PLCB4: variants seen among roughly 807,000 people sequenced by gnomAD.
The protein encoded by PLCB4 is 1-phosphatidylinositol 4,5-bisphosphate phosphodiesterase beta-4.
In PLCB4, 77 loss-of-function variants were observed where a neutral mutation model predicts 178.8. That is an observed-to-expected ratio of 0.43 (90% CI 0.36 to 0.52). The LOEUF (loss-of-function observed/expected upper bound fraction) is 0.52. PLCB4 is among the 20% of genes least tolerant of loss of function. The pLI is 0.00. For missense variants in PLCB4, 1,024 were observed against 1,453.4 expected, an observed-to-expected ratio of 0.70 and a Z score of 4.80; for synonymous variants, 496 against 490.8, an observed-to-expected ratio of 1.01 and a Z score of -0.14.
At chr20:9,427,667 G>A (rs1343491875) in intron 28 of PLCB4, among the ~76,000 whole-genome samples, 1 of 152,206 alleles carries the variant, frequency 6.6e-6, no homozygotes. Flanking sequence ...ACTGCTGTAG[G>A]AGACAGGAAG....
chr20:9,163,675 A>T (rs2092924903), intron 2 of PLCB4, among the ~76,000 whole-genome samples: 1 of 152,058 alleles, frequency 6.6e-6, no homozygotes, highest in East Asian at 1.9e-4. Context: ...TTGAGTCCTA[A>T]ATATGAAAAA....
rs184752595 is a variant in PLCB4, at chr20:9,106,329, C to T, written c.-79+9987C>T. Among the ~76,000 whole-genome samples the T allele has an allele frequency of 3.7e-3, 562 of 151,434 alleles. 18 individuals are homozygous for T. The highest frequency in any genetic ancestry group is 0.034 in the Admixed American group (520 of 15,190). On this transcript the variant is annotated intron_variant, in intron 2 of 39. Transcript: ENST00000378473. ...TACTTTTGCACCAACCTATATTTCT[C>T]GGTAACTAAAATGACAAATAAAAAC...
chr20:9,291,019 C>T (rs2094575571), intron 3 of PLCB4, among the ~76,000 whole-genome samples: 1 of 152,148 alleles, frequency 6.6e-6, no homozygotes, highest in African/African-American at 2.4e-5. Context: ...GAATGTAGGT[C>T]TTCCATCTCC....
At chr20:9,443,068 G>T (rs1050228760) in intron 30 of PLCB4, among the ~76,000 whole-genome samples, 1 of 152,084 alleles carries the variant, frequency 6.6e-6, no homozygotes, top group African/African-American at 2.4e-5. Flanking sequence ...TACAACTGTT[G>T]TTGCCATGAC....
At chr20:9,281,211 T>C (rs1242900656) in intron 3 of PLCB4, among the ~76,000 whole-genome samples, 1 of 152,004 alleles carries the variant, frequency 6.6e-6, no homozygotes, top group Non-Finnish European at 1.5e-5. Flanking sequence ...ATTTAATTGC[T>C]TGAGGGCTTA....
intron 2 of PLCB4, among the ~76,000 whole-genome samples, chr20:9,190,806 C>T (rs1028042337): frequency 1.3e-5 from 2 of 152,112 alleles, no homozygotes; most frequent in Non-Finnish European, 2.9e-5. Flanking sequence ...CACAATAACC[C>T]TGAGAGGTGG....
At chr20:9,358,241 T>C (rs2035010998) in intron 7 of PLCB4, among the ~76,000 whole-genome samples, 1 of 152,246 alleles carries the variant, frequency 6.6e-6, no homozygotes, top group Non-Finnish European at 1.5e-5. Context: ...CTGATGCTGC[T>C]GGTCCCCAGA....
intron 3 of PLCB4, among the ~76,000 whole-genome samples, chr20:9,264,821 C>T (rs1340857672): frequency 2.0e-5 from 3 of 152,112 alleles, no homozygotes; most frequent in African/African-American, 7.2e-5. Context: ...CTGGGTGCAG[C>T]CTGGACTGTG....
intron 2 of PLCB4, among the ~76,000 whole-genome samples, chr20:9,172,168 C>T (rs1199804567): frequency 3.3e-5 from 5 of 152,098 alleles, no homozygotes; most frequent in African/African-American, 1.2e-4. Context: ...TGTAGAATGA[C>T]TCCATAGAGC....
At chr20:9,289,448 G>GT (rs1179583066) in intron 3 of PLCB4, among the ~76,000 whole-genome samples, 15 of 151,738 alleles carry the variant, frequency 9.9e-5, no homozygotes, top group African/African-American at 2.2e-4. Flanking sequence ...AATTATTCGG[G>GT]TTTTTTTTGG....
At chr20:9,471,937 T>C (rs2206388) in intron 36 of PLCB4, among the ~76,000 whole-genome samples, 46,652 of 152,126 alleles carry the variant, frequency 0.31, 7,342 homozygotes, top group Middle Eastern at 0.42. Flanking sequence ...CACTCATCTG[T>C]TTATTCAACA....
chr20:9,411,002 A>G (rs1403423647), intron 24 of PLCB4, 35 bp from the exon 25 acceptor site: 45 of 1,551,694 alleles, frequency 2.9e-5, no homozygotes, highest in Non-Finnish European at 4.0e-5. Context: ...TTGTCTAGGA[A>G]GACAAGATGC....
At chr20:9,472,930 ATTTG>A in intron 37 of PLCB4, 83 bp downstream of exon 37, 1 of 729,778 alleles carries the variant, frequency 1.4e-6, no homozygotes, top group Non-Finnish European at 2.3e-6. Flanking sequence ...TCTCTAGCTA[ATTTG>A]TTTAATTTGA....
intron 7 of PLCB4, among the ~76,000 whole-genome samples, chr20:9,344,574 C>T (rs2033601803): frequency 1.3e-5 from 2 of 152,120 alleles, no homozygotes; most frequent in Admixed American, 1.3e-4. Flanking sequence ...GGTGTATAAA[C>T]CTTAATGTTG....
chr20:9,129,456 G>T (rs1457896957), intron 2 of PLCB4, among the ~76,000 whole-genome samples: 1 of 152,028 alleles, frequency 6.6e-6, no homozygotes, highest in Non-Finnish European at 1.5e-5. Flanking sequence ...TTCCTTCCCT[G>T]GTTCACTTTT....
chr20:9,185,082 C>T (rs1295234542), intron 2 of PLCB4, among the ~76,000 whole-genome samples: 2 of 152,148 alleles, frequency 1.3e-5, no homozygotes, highest in African/African-American at 2.4e-5. Context: ...GCCACCATGC[C>T]CCACTGGTAG....
At chr20:9,428,873 C>T (rs576815944) in intron 28 of PLCB4, among the ~76,000 whole-genome samples, 5 of 152,058 alleles carry the variant, frequency 3.3e-5, no homozygotes, top group Non-Finnish European at 7.4e-5. Context: ...TCCTGAAAAG[C>T]CAATAAGCAT....
chr20:9,463,624 G>A (rs1406544272), intron 35 of PLCB4, among the ~76,000 whole-genome samples: 71 of 145,422 alleles, frequency 4.9e-4, no homozygotes, highest in Middle Eastern at 3.8e-3. Context: ...AGCAGGGGTT[G>A]CAATCCTAGT....
intron 3 of PLCB4, among the ~76,000 whole-genome samples, chr20:9,295,652 T>A (rs1026564599): frequency 6.6e-6 from 1 of 152,178 alleles, no homozygotes; most frequent in Admixed American, 6.6e-5. Flanking sequence ...TAGCCAGTTT[T>A]CCCAGCACCA....
Sources: gnomAD v4.1 joint callset for allele counts (sites outside exome capture counted in the v4.1 genomes callset) on GRCh38, gnomAD v4.1.1 for gene constraint, MANE v1.5 for transcripts, NCBI Gene and HGNC (gene_info 2026-07-23, HGNC 2026-07-21) for gene names.